Variants in COG3 observed in about 807,000 individuals in gnomAD.
COG3 encodes component of oligomeric golgi complex 3.
COG3 carries 32 observed loss-of-function variants against 114.1 expected under a neutral mutation model. That is an observed-to-expected ratio of 0.28 (90% CI 0.21 to 0.38). COG3 has a LOEUF of 0.38. Ranked by LOEUF, COG3 falls within the 10% of genes least tolerant of loss-of-function variation. COG3 has a pLI of 1.00. For synonymous variants in COG3, 352 were observed against 365.7 expected (o/e 0.96, Z 0.43); for missense variants, 813 against 973.2 (o/e 0.84, Z 2.19).
chr13:45,474,347 T>A (rs1258718468), intron 1 of COG3, among the ~76,000 whole-genome samples: 2 of 151,846 alleles, frequency 1.3e-5, no homozygotes, highest in South Asian at 2.1e-4. Context: ...TGTTTTTAGT[T>A]GAGACGGGGT....
chr13:45,496,762 C>T (rs1868838615), intron 13 of COG3, among the ~76,000 whole-genome samples: 1 of 150,980 alleles, frequency 6.6e-6, no homozygotes, highest in Non-Finnish European at 1.5e-5. Context: ...CAACTTCTGC[C>T]TCACGGGTTC....
intron 14 of COG3, among the ~76,000 whole-genome samples, chr13:45,508,387 T>C (rs1870452063): frequency 1.3e-5 from 1 of 77,994 alleles, no homozygotes; most frequent in Non-Finnish European, 2.2e-5. Context: ...TATATATTTT[T>C]ATATATATAT....
At chr13:45,501,557 A>T (rs943231252) in intron 13 of COG3, among the ~76,000 whole-genome samples, 1 of 152,182 alleles carries the variant, frequency 6.6e-6, no homozygotes, top group Non-Finnish European at 1.5e-5. Flanking sequence ...TAAGAACTTC[A>T]GGTGCATCAG....
intron 12 of COG3, 117 bp downstream of exon 12, chr13:45,493,603 T>G (rs1213157183): frequency 4.8e-6 from 4 of 835,724 alleles, no homozygotes; most frequent in Non-Finnish European, 7.0e-6. Context: ...TTTTGAAGCT[T>G]GGCTTGATGC....
chr13:45,515,300 G>T (rs145485848), intron 16 of COG3, among the ~76,000 whole-genome samples: 1 of 152,128 alleles, frequency 6.6e-6, no homozygotes, highest in Admixed American at 6.5e-5. Context: ...GACTGGGAAG[G>T]AATCTTCATT....
At chr13:45,529,274 A>T (rs967648063) in intron 20 of COG3, among the ~76,000 whole-genome samples, 1 of 152,076 alleles carries the variant, frequency 6.6e-6, no homozygotes, top group Non-Finnish European at 1.5e-5. Flanking sequence ...TATTTTTGTT[A>T]TAACTTTTTG....
At chr13:45,506,939 C>A (rs569042180) in intron 14 of COG3, among the ~76,000 whole-genome samples, 1 of 152,254 alleles carries the variant, frequency 6.6e-6, no homozygotes, top group East Asian at 1.9e-4. Flanking sequence ...CAGCTTTGTT[C>A]TGTATGTAGA....
At chr13:45,506,923 A>G (rs1198303588) in intron 14 of COG3, among the ~76,000 whole-genome samples, 1 of 152,172 alleles carries the variant, frequency 6.6e-6, no homozygotes, top group Non-Finnish European at 1.5e-5. Flanking sequence ...GTACCTTCAA[A>G]AAGTACAGCT....
At chr13:45,488,751 T>A (rs1886828711) in intron 8 of COG3, among the ~76,000 whole-genome samples, 1 of 152,218 alleles carries the variant, frequency 6.6e-6, no homozygotes, top group Non-Finnish European at 1.5e-5. Flanking sequence ...GATCAATATA[T>A]GTTATATTTT....
chr13:45,508,068 T>TAAAAAAAAAAAA (rs10571583), intron 14 of COG3, among the ~76,000 whole-genome samples: 7 of 32,270 alleles, frequency 2.2e-4, no homozygotes, highest in Admixed American at 6.3e-4. Flanking sequence ...AGGTCCAACC[T>TAAAAAAAAAAAA]AAAAAAAAAA....
intron 14 of COG3, among the ~76,000 whole-genome samples, chr13:45,506,755 T>G (rs1870196765): frequency 1.3e-5 from 2 of 152,202 alleles, no homozygotes; most frequent in South Asian, 4.1e-4. Context: ...TCACTTTTCC[T>G]GGTTTCCCGG....
chr13:45,483,574 G>A (rs1013335439), intron 7 of COG3, among the ~76,000 whole-genome samples: 15 of 152,158 alleles, frequency 9.9e-5, no homozygotes, highest in African/African-American at 3.4e-4. Flanking sequence ...TTAATAGTGT[G>A]AGAAGTATTC....
intron 13 of COG3, among the ~76,000 whole-genome samples, chr13:45,499,487 G>T (rs1317230970): frequency 1.3e-5 from 2 of 152,162 alleles, no homozygotes; most frequent in African/African-American, 4.8e-5. Flanking sequence ...TGGCATAGGG[G>T]GAAATGTAAG....
chr13:45,486,263 TTCGGC>T (rs1886637119), intron 7 of COG3, among the ~76,000 whole-genome samples: 1 of 141,970 alleles, frequency 7.0e-6, no homozygotes, highest in Non-Finnish European at 1.5e-5. Flanking sequence ...ACAGTCCAGC[TTCGGC>T]TCGGCATGAG....
rs1200416445 is a variant in COG3, at chr13:45,474,632, C to A, written c.175-1569C>A. On this transcript the variant is annotated intron_variant, in intron 1 of 22. Transcript: ENST00000349995. ...CTGCATTGTAATGTACTTTACTGTACCATAAATATAGCCCTATTTGAACCC... is the reference window on the plus strand; with the variant it reads ...CTGCATTGTAATGTACTTTACTGTAACATAAATATAGCCCTATTTGAACCC... Among the ~76,000 whole-genome samples, 3 of 152,104 alleles carry A rather than the reference C, an allele frequency of 2.0e-5. No homozygotes were observed. The East Asian group carries it at 5.8e-4, about 29-fold the overall frequency.
intron 13 of COG3, among the ~76,000 whole-genome samples, chr13:45,500,973 G>A (rs1230253409): frequency 6.6e-6 from 1 of 152,140 alleles, no homozygotes; most frequent in Non-Finnish European, 1.5e-5. Context: ...CTTATGATTA[G>A]ACTAGTGTTT....
intron 15 of COG3, among the ~76,000 whole-genome samples, chr13:45,510,992 A>G (rs1870797515): frequency 6.6e-6 from 1 of 152,192 alleles, no homozygotes; most frequent in Admixed American, 6.5e-5. Flanking sequence ...AGGGCCCAGG[A>G]CAGTGGCCTA....
At chr13:45,489,281 G>C (rs376544776) in intron 8 of COG3, among the ~76,000 whole-genome samples, 3 of 10,728 alleles carry the variant, frequency 2.8e-4, no homozygotes, top group East Asian at 3.6e-3. Context: ...AAAAAAAAAA[G>C]CCAACCAGTT....
At position 45,496,135 on chromosome 13, in the gene COG3, T is replaced by C; in HGVS notation, c.1328-17T>C. 2 of 1,597,356 alleles carry C rather than the reference T, an allele frequency of 1.3e-6. No homozygotes were observed. Among genetic ancestry groups the C allele is most frequent in the Non-Finnish European group, 1.7e-6 (2 of 1,170,424 alleles). ...TTTCTAAATCTAAAAGAATGGATGATTGCACTTTTTTATCAGCTGAGCAAC... is the reference window on the plus strand; with the variant it reads ...TTTCTAAATCTAAAAGAATGGATGACTGCACTTTTTTATCAGCTGAGCAAC... On this transcript the variant is annotated splice_polypyrimidine_tract_variant and intron_variant, in intron 12 of 22. Coordinates refer to ENST00000349995, the MANE Select transcript of COG3 (RefSeq NM_031431.4).
Sources: allele counts gnomAD v4.1 joint callset (sites outside exome capture counted in the v4.1 genomes callset), GRCh38; gene constraint gnomAD v4.1.1; transcripts MANE v1.5; gene names NCBI Gene and HGNC (gene_info 2026-07-23, HGNC 2026-07-21).